SMIM36: variants seen among roughly 807,000 people sequenced by gnomAD.
SMIM36 encodes the protein small integral membrane protein 36.
In SMIM36 at chr17:55,455,845, C is replaced by T. The variant is rs144918171; in HGVS notation, c.*532-5547G>A. Among the ~76,000 whole-genome samples, 175 of 151,756 alleles carry T rather than the reference C, an allele frequency of 1.2e-3. 1 individual carries two copies. The highest frequency in any genetic ancestry group is 4.1e-3 in the African/African-American group (169 of 41,392). On this transcript the variant is annotated intron_variant, in intron 4 of 4. Coordinates refer to ENST00000636752, the Ensembl canonical transcript of SMIM36. ...AAAAACAAAAAAAACATGCTGGGTG[C>T]GGTGGCTCACACCTGTAATCCCAGC...
intron 4 of SMIM36, among the ~76,000 whole-genome samples, chr17:55,452,838 C>T (rs939837667): frequency 2.0e-5 from 3 of 152,200 alleles, no homozygotes; most frequent in African/African-American, 7.2e-5. Context: ...ACAACAAAGC[C>T]ATTAGGTCAA....
At chr17:55,492,242 C>CTTTTTTTTTTTTTTTT (rs770501215) in intron 1 of SMIM36, among the ~76,000 whole-genome samples, 3 of 111,286 alleles carry the variant, frequency 2.7e-5, no homozygotes, top group Non-Finnish European at 3.5e-5. Flanking sequence ...TTCTTTCTTT[C>CTTTTTTTTTTTTTTTT]TTTTTTTTTT....
rs1268689574 is a variant in SMIM36 at position 55,502,397 on chromosome 17, T to C, written c.*174+8482A>G. 2.1e-4 allele frequency among the ~76,000 whole-genome samples: 21 copies of C among 100,134 alleles called. 6 individuals are homozygous for C. The highest frequency in any genetic ancestry group is 6.4e-4 in the South Asian group (2 of 3,106). 65.7% of individuals were successfully genotyped at this position (100,134 alleles called of 152,430 possible). A position where few individuals can be genotyped will look rare whatever the true frequency, so the allele number is the denominator to read the frequency against. On this transcript the variant is annotated intron_variant, in intron 1 of 4. Transcript: ENST00000636752. ...GATCTGAGAACCGGCAGACTGCCTCTTCAAGTGGGTCCCTGACCCCTGACC... is the reference window on the plus strand; with the variant it reads ...GATCTGAGAACCGGCAGACTGCCTCCTCAAGTGGGTCCCTGACCCCTGACC...
chr17:55,514,509 T>C (rs73990422), upstream of SMIM36, among the ~76,000 whole-genome samples: 2,642 of 152,312 alleles, frequency 0.017, 84 homozygotes, highest in African/African-American at 0.061. Flanking sequence ...AATTGAAGCT[T>C]AAAGAGGCAG....
At chr17:55,492,690 A>G (rs1909735117) in intron 1 of SMIM36, among the ~76,000 whole-genome samples, 2 of 152,154 alleles carry the variant, frequency 1.3e-5, no homozygotes, top group African/African-American at 4.8e-5. Context: ...ATCTTATAAA[A>G]AGGTTTTAGG....
chr17:55,521,055 G>A, the SMIM36 span, among the ~76,000 whole-genome samples: 27 of 152,142 alleles, frequency 1.8e-4, no homozygotes, highest in Non-Finnish European at 4.4e-5. Flanking sequence ...TCCAGGAGGT[G>A]GAGGCTGCAG....
At chr17:55,459,524 G>A (rs564729853) in intron 4 of SMIM36, among the ~76,000 whole-genome samples, 1 of 152,262 alleles carries the variant, frequency 6.6e-6, no homozygotes. Flanking sequence ...CAAGGTGAGG[G>A]TAGGTCTACT....
At chr17:55,475,846 T>C (rs914200102) in intron 3 of SMIM36, among the ~76,000 whole-genome samples, 1 of 152,160 alleles carries the variant, frequency 6.6e-6, no homozygotes, top group Non-Finnish European at 1.5e-5. Flanking sequence ...CTAATCATTC[T>C]ATATGACAAA....
intron 1 of SMIM36, among the ~76,000 whole-genome samples, chr17:55,496,062 G>A (rs912618180): frequency 6.6e-6 from 1 of 152,112 alleles, no homozygotes; most frequent in Non-Finnish European, 1.5e-5. Flanking sequence ...CTCCCCGAGT[G>A]GCAAACAACT....
At chr17:55,524,504 C>T in the SMIM36 span, among the ~76,000 whole-genome samples, 1 of 152,176 alleles carries the variant, frequency 6.6e-6, no homozygotes, top group Non-Finnish European at 1.5e-5. Flanking sequence ...ACACTGCTTT[C>T]TGCAATAGGT....
intron 1 of SMIM36, among the ~76,000 whole-genome samples, chr17:55,489,719 G>A (rs1008748699): frequency 6.6e-6 from 1 of 152,106 alleles, no homozygotes; most frequent in African/African-American, 2.4e-5. Context: ...TACCATATTG[G>A]TTCATGTGTC....
chr17:55,463,552 A>AAAT (rs1909181814), intron 4 of SMIM36, among the ~76,000 whole-genome samples: 1 of 152,188 alleles, frequency 6.6e-6, no homozygotes, highest in African/African-American at 2.4e-5. Context: ...CCCTGTTTCT[A>AAAT]AATAATAATA....
At chr17:55,501,359 TATATAATATATTATATATTATAGA>T (rs1909962292) in intron 1 of SMIM36, among the ~76,000 whole-genome samples, 3 of 80,874 alleles carry the variant, frequency 3.7e-5, no homozygotes, top group African/African-American at 5.3e-5. Context: ...TATTTTATAA[TATATAATATATTATATATTATAGA>T]ATATAATATA....
the SMIM36 span, among the ~76,000 whole-genome samples, chr17:55,524,355 C>T: frequency 1.3e-5 from 2 of 152,110 alleles, no homozygotes; most frequent in African/African-American, 4.8e-5. Context: ...CACGTCTTTG[C>T]TATTTTGAAT....
rs567374150 is a variant in SMIM36, at chr17:55,511,019, C to T, written c.*34G>A. 7 of 398,006 alleles carry T rather than the reference C, an allele frequency of 1.8e-5. No individual in the cohort carries two copies. The South Asian group carries it at 9.6e-4, about 55-fold the overall frequency. 24.7% of individuals were successfully genotyped at this position (398,006 alleles called of 1,614,324 possible). On this transcript the variant is annotated 3_prime_UTR_variant, in exon 1 of 5. Transcript: ENST00000636752. ...GGAGCAGTTTGTCTCTATGGAAAGT[C>T]TAGTGGTCTCTCCCCAGTGTCCCTT...
the SMIM36 span, chr17:55,527,052 G>A: frequency 7.2e-5 from 11 of 152,188 alleles, no homozygotes; most frequent in Non-Finnish European, 4.4e-5. Flanking sequence ...CACTCAAAAA[G>A]TGTCTTTTGG....
upstream of SMIM36, among the ~76,000 whole-genome samples, chr17:55,512,469 A>G (rs1386959162): frequency 2.0e-5 from 3 of 152,230 alleles, no homozygotes; most frequent in Non-Finnish European, 4.4e-5. Flanking sequence ...GAGATTCCCA[A>G]AGGCTGCCTC....
At chr17:55,480,666 T>C (rs964529079) in intron 1 of SMIM36, among the ~76,000 whole-genome samples, 1 of 152,202 alleles carries the variant, frequency 6.6e-6, no homozygotes, top group Non-Finnish European at 1.5e-5. Context: ...CAGAATTTCA[T>C]AGAAGTTGAA....
intron 4 of SMIM36, among the ~76,000 whole-genome samples, chr17:55,462,267 GTTAA>G (rs1909159124): frequency 6.6e-6 from 1 of 152,170 alleles, no homozygotes; most frequent in African/African-American, 2.4e-5. Context: ...TAAGCATTAA[GTTAA>G]TTAACCTCTG....
Sources: allele counts gnomAD v4.1 joint callset (sites outside exome capture counted in the v4.1 genomes callset), GRCh38; gene constraint gnomAD v4.1.1; transcripts MANE v1.5; gene names NCBI Gene and HGNC (gene_info 2026-07-23, HGNC 2026-07-21).